The following RAB6A variants were observed in gnomAD, a reference collection of about 807,000 sequenced individuals.
RAB6A encodes the protein RAB6A, member RAS oncogene family.
RAB6A carries 8 observed loss-of-function variants against 32.3 expected under a neutral mutation model. The observed-to-expected ratio is 0.25, with a 90% CI of 0.15 to 0.45. The LOEUF (loss-of-function observed/expected upper bound fraction) is 0.45, where lower values mean the gene tolerates loss of function less well. Among genes scored for constraint, RAB6A ranks in the 20% least tolerant of loss-of-function variants. The probability of loss-of-function intolerance (pLI) is 1.00; values close to 1 mark genes in which losing one functional copy is unlikely to be tolerated. For missense variants in RAB6A, 104 were observed against 249.4 expected (o/e 0.42, Z 3.93); for synonymous variants, 73 against 82.1 (o/e 0.89, Z 0.60).
At chr11:73,760,494 G>T (rs1212307938) in intron 1 of RAB6A, 72 bp downstream of exon 1, 2 of 1,519,264 alleles carry the variant, frequency 1.3e-6, no homozygotes, top group Non-Finnish European at 1.8e-6. Flanking sequence ...CTCCGCGGAC[G>T]GAAGGGCCGC....
At chr11:73,685,276 T>C (rs1225181789) in intron 6 of RAB6A, among the ~76,000 whole-genome samples, 1 of 149,740 alleles carries the variant, frequency 6.7e-6, no homozygotes, top group Non-Finnish European at 1.5e-5. Context: ...TGACCTGCTA[T>C]ATAGAAAGTC....
Position 73,760,977 on chromosome 11 carries a change from G to T in RAB6A, c.-342C>A. ...CCAGACCTGGGGAAGAGAAGCTGAG[G>T]GTGGCGGAGCCGGAACCGCAGACGT... On this transcript the variant is annotated 5_prime_UTR_variant, in exon 1 of 8. Coordinates refer to ENST00000336083, the MANE Select transcript of RAB6A (RefSeq NM_198896.2). 1 of 258,602 alleles carries T rather than the reference G, an allele frequency of 3.9e-6. No homozygotes were observed. Among genetic ancestry groups the T allele is most frequent in the Non-Finnish European group, 7.8e-6 (1 of 128,104 alleles). The allele number at this position is 258,602 out of a possible 1,614,324, so 16.0% of individuals were successfully genotyped here.
In RAB6A at chr11:73,742,676, T is replaced by C. The variant is rs191927329; in HGVS notation, c.71-11853A>G. ...AAAATACAAAATTAGCTGGGCGTGG[T>C]AGCACATGCCTATAATCCCAGTACT... On this transcript the variant is annotated intron_variant, in intron 1 of 7. Transcript: ENST00000336083. 3.1e-3 allele frequency among the ~76,000 whole-genome samples: 479 copies of C among 152,106 alleles called. 1 individual carries two copies. Among genetic ancestry groups the C allele is most frequent in the Non-Finnish European group, 4.2e-3 (287 of 67,972 alleles).
chr11:73,706,936 GA>G (rs1590846543), intron 6 of RAB6A, among the ~76,000 whole-genome samples: 1 of 151,666 alleles, frequency 6.6e-6, no homozygotes, highest in African/African-American at 2.4e-5. Context: ...TGACCAACAT[GA>G]AAAAAACCCC....
chr11:73,745,957 G>A (rs921298619), intron 1 of RAB6A, among the ~76,000 whole-genome samples: 1 of 151,588 alleles, frequency 6.6e-6, no homozygotes, highest in Non-Finnish European at 1.5e-5. Context: ...CTGAGACTGC[G>A]CCACTGCACT....
chr11:73,690,524 T>A (rs1945534121), intron 6 of RAB6A, among the ~76,000 whole-genome samples: 1 of 151,424 alleles, frequency 6.6e-6, no homozygotes, highest in South Asian at 2.1e-4. Context: ...TAGCTAGGAC[T>A]ACAGGGATGT....
chr11:73,690,692 C>T (rs1173465943), intron 6 of RAB6A, among the ~76,000 whole-genome samples: 1 of 103,702 alleles, frequency 9.6e-6, no homozygotes, highest in African/African-American at 3.6e-5. Flanking sequence ...TACCATGTAA[C>T]ATCTTAAAAA....
At chr11:73,727,999 C>T (rs1267358264) in intron 2 of RAB6A, among the ~76,000 whole-genome samples, 1 of 151,782 alleles carries the variant, frequency 6.6e-6, no homozygotes, top group Non-Finnish European at 1.5e-5. Context: ...TTTTTTAATT[C>T]ATTTAACAAG....
At chr11:73,698,603 T>C (rs1945691025) in intron 6 of RAB6A, among the ~76,000 whole-genome samples, 1 of 152,138 alleles carries the variant, frequency 6.6e-6, no homozygotes, top group African/African-American at 2.4e-5. Context: ...AGTTGACTCG[T>C]AGGATTGTTA....
intron 5 of RAB6A, among the ~76,000 whole-genome samples, chr11:73,709,860 C>CACATATATATACATATATACAT (rs1555058322): frequency 6.8e-6 from 1 of 146,412 alleles, no homozygotes; most frequent in Non-Finnish European, 1.5e-5. Context: ...TACATATATA[C>CACATATATATACATATATACAT]ATATATACAC....
At chr11:73,714,948 G>A (rs977258183) in intron 5 of RAB6A, among the ~76,000 whole-genome samples, 7 of 151,950 alleles carry the variant, frequency 4.6e-5, no homozygotes, top group South Asian at 2.1e-4. Flanking sequence ...CCTGGGCGAC[G>A]GAATGAGACT....
intron 2 of RAB6A, chr11:73,729,707 TAG>T (rs1946276150): frequency 6.6e-6 from 1 of 152,196 alleles, no homozygotes; most frequent in Non-Finnish European, 1.5e-5. Context: ...GCTTTTTCAT[TAG>T]AGATAGTAAA....
intron 6 of RAB6A, among the ~76,000 whole-genome samples, chr11:73,693,191 A>G (rs1346561160): frequency 1.3e-5 from 2 of 151,860 alleles, no homozygotes; most frequent in African/African-American, 4.8e-5. Flanking sequence ...AGTAGGCTCA[A>G]GCAGAAGAAC....
chr11:73,725,412 T>C (rs1946201258), intron 2 of RAB6A, among the ~76,000 whole-genome samples: 1 of 152,226 alleles, frequency 6.6e-6, no homozygotes, highest in African/African-American at 2.4e-5. Context: ...GAGAAGTGTA[T>C]TAGTCTGTTT....
rs1236971093 is a variant in RAB6A, at chr11:73,676,646, A to C, written c.*1252T>G. 1 of 167,120 alleles carries C rather than the reference A, an allele frequency of 6.0e-6. No homozygotes were observed. Among genetic ancestry groups the C allele is most frequent in the East Asian group, 1.9e-4 (1 of 5,212 alleles). The allele number at this position is 167,120 out of a possible 1,614,324, so 10.4% of individuals were successfully genotyped here. A position where few individuals can be genotyped will look rare whatever the true frequency, so the allele number is the denominator to read the frequency against. ...AAAAATGCTAAAAAATAAGGCATAA[A>C]TCTGCATAATATTGAGTTTTATTTC... On this transcript the variant is annotated 3_prime_UTR_variant, in exon 8 of 8. Transcript: ENST00000336083.
intron 4 of RAB6A, 67 bp downstream of exon 4, chr11:73,718,546 A>C (rs1178502601): frequency 7.6e-7 from 1 of 1,315,528 alleles, no homozygotes; most frequent in Non-Finnish European, 1.1e-6. Flanking sequence ...AGCACAAGAC[A>C]AGAACATGCA....
intron 5 of RAB6A, among the ~76,000 whole-genome samples, chr11:73,711,861 A>G (rs1945962825): frequency 6.6e-6 from 1 of 152,202 alleles, no homozygotes; most frequent in South Asian, 2.1e-4. Context: ...TTCAATCAGT[A>G]CTTCAGTAAG....
intron 4 of RAB6A, 59 bp from the exon 5 acceptor site, chr11:73,716,421 T>TG (rs1946054119): frequency 2.4e-6 from 3 of 1,266,568 alleles, no homozygotes. Flanking sequence ...CCCCAGGTGG[T>TG]GGGCACCTCC....
chr11:73,733,964 A>G (rs1946356165), intron 1 of RAB6A, among the ~76,000 whole-genome samples: 1 of 152,164 alleles, frequency 6.6e-6, no homozygotes, highest in African/African-American at 2.4e-5. Context: ...TTTTTCTCAA[A>G]GAGTAAAACA....
Sources: allele counts gnomAD v4.1 joint callset (sites outside exome capture counted in the v4.1 genomes callset), GRCh38; gene constraint gnomAD v4.1.1; transcripts MANE v1.5; gene names NCBI Gene and HGNC (gene_info 2026-07-23, HGNC 2026-07-21).